Variants in PTGER3 observed in about 807,000 individuals in gnomAD.
PTGER3 encodes prostaglandin E2 receptor EP3 subtype.
A neutral mutation model predicts 34.7 loss-of-function variants in PTGER3; 22 were observed. The observed-to-expected ratio is 0.63, with a 90% confidence interval of 0.45 to 0.91. The LOEUF (loss-of-function observed/expected upper bound fraction) is 0.91. Ranked by LOEUF, PTGER3 falls within the 40% of genes least tolerant of loss-of-function variation. The probability of loss-of-function intolerance (pLI) is 0.00; values close to 1 mark genes in which losing one functional copy is unlikely to be tolerated. For missense variants in PTGER3, 468 were observed against 519.4 expected, an observed-to-expected ratio of 0.90 and a Z score of 0.96; for synonymous variants, 241 against 230.1, an observed-to-expected ratio of 1.05 and a Z score of -0.43.
intron 4 of PTGER3, among the ~76,000 whole-genome samples, chr1:70,857,486 T>C (rs1645832899): frequency 6.6e-6 from 1 of 152,100 alleles, no homozygotes; most frequent in Non-Finnish European, 1.5e-5. Flanking sequence ...TTTCTTTTTA[T>C]TTTGATGTGG....
chr1:71,033,005 T>C (rs1164115993), intron 1 of PTGER3, among the ~76,000 whole-genome samples: 2 of 152,182 alleles, frequency 1.3e-5, no homozygotes, highest in African/African-American at 2.4e-5. Context: ...TTTTGGTAAC[T>C]TCTGTGTCTC....
chr1:70,930,555 A>G (rs1020510457), intron 4 of PTGER3, among the ~76,000 whole-genome samples: 8 of 152,162 alleles, frequency 5.3e-5, no homozygotes, highest in Non-Finnish European at 1.0e-4. Context: ...GAAGAAAAAG[A>G]GGTTTAATTG....
intron 4 of PTGER3, among the ~76,000 whole-genome samples, chr1:70,910,895 A>G (rs1182698833): frequency 1.3e-5 from 2 of 152,064 alleles, no homozygotes; most frequent in Non-Finnish European, 2.9e-5. Flanking sequence ...AGCCTGACCA[A>G]CATGGTGAAA....
At chr1:70,881,762 C>T (rs1646395703) in intron 4 of PTGER3, among the ~76,000 whole-genome samples, 1 of 152,120 alleles carries the variant, frequency 6.6e-6, no homozygotes, top group Admixed American at 6.5e-5. Flanking sequence ...CACAGGACTT[C>T]CTTAGGCAGA....
intron 4 of PTGER3, among the ~76,000 whole-genome samples, chr1:70,897,012 C>CA (rs1491171366): frequency 6.6e-6 from 1 of 152,102 alleles, no homozygotes; most frequent in East Asian, 1.9e-4. Context: ...GATGTGCCTC[C>CA]ACCCATGGAT....
At chr1:71,024,247 C>T (rs1658681449) in intron 1 of PTGER3, among the ~76,000 whole-genome samples, 1 of 152,166 alleles carries the variant, frequency 6.6e-6, no homozygotes, top group Non-Finnish European at 1.5e-5. Context: ...AGTCTTAAAA[C>T]TCTCATCCTC....
At chr1:70,882,774 G>T (rs1646418071) in intron 4 of PTGER3, among the ~76,000 whole-genome samples, 1 of 152,178 alleles carries the variant, frequency 6.6e-6, no homozygotes, top group African/African-American at 2.4e-5. Context: ...CCTTTACCAT[G>T]TGGGAGAGGT....
At chr1:70,864,991 A>C (rs1222997230) in intron 4 of PTGER3, among the ~76,000 whole-genome samples, 1 of 152,212 alleles carries the variant, frequency 6.6e-6, no homozygotes, top group African/African-American at 2.4e-5. Context: ...GTGGCCATCT[A>C]TCCAGAAGGC....
chr1:70,885,620 T>C (rs74086993), intron 4 of PTGER3, among the ~76,000 whole-genome samples: 18,205 of 152,122 alleles, frequency 0.12, 2,330 homozygotes, highest in African/African-American at 0.3. Context: ...CATTCATTCA[T>C]TCAGCAAGGA....
At chr1:70,953,830 A>G (rs1480184369) in intron 2 of PTGER3, 1 of 991,136 alleles carries the variant, frequency 1.0e-6, no homozygotes, top group African/African-American at 1.7e-5. Context: ...CTATAATTTA[A>G]TATGCAAAGT....
At chr1:70,960,962 G>A (rs770804970) in intron 2 of PTGER3, among the ~76,000 whole-genome samples, 19 of 152,170 alleles carry the variant, frequency 1.2e-4, no homozygotes, top group Non-Finnish European at 4.4e-5. Context: ...TTCTAAAACA[G>A]ATTGCTGTCT....
intron 1 of PTGER3, among the ~76,000 whole-genome samples, chr1:71,037,719 G>C (rs977814529): frequency 1.3e-5 from 2 of 149,500 alleles, no homozygotes; most frequent in African/African-American, 2.4e-5. Context: ...GGTTAGAAAA[G>C]GAAAGTCCGG....
chr1:70,953,326 A>G (rs1481157525), intron 3 of PTGER3, among the ~76,000 whole-genome samples: 2 of 152,118 alleles, frequency 1.3e-5, no homozygotes, highest in African/African-American at 4.8e-5. Context: ...ACTAATCCCC[A>G]GTGGATACCG....
At chr1:70,931,097 C>G (rs965333942) in intron 4 of PTGER3, among the ~76,000 whole-genome samples, 26 of 152,068 alleles carry the variant, frequency 1.7e-4, no homozygotes, top group Non-Finnish European at 2.9e-5. Flanking sequence ...GAGAAATTAG[C>G]AAAAACAAAG....
intron 2 of PTGER3, among the ~76,000 whole-genome samples, chr1:70,998,790 T>A (rs1656208219): frequency 6.6e-6 from 1 of 152,198 alleles, no homozygotes; most frequent in African/African-American, 2.4e-5. Context: ...CAGAAATAAA[T>A]TACTGTTTTG....
intron 2 of PTGER3, chr1:71,008,044 T>C (rs1657118555): frequency 1.0e-6 from 1 of 984,692 alleles, no homozygotes; most frequent in South Asian, 4.7e-5. Context: ...ACTGGCACTT[T>C]AAAAATATGA....
chr1:70,953,815 G>A (rs1280230474), intron 2 of PTGER3: 2 of 1,199,842 alleles, frequency 1.7e-6, no homozygotes, highest in East Asian at 5.4e-5. Flanking sequence ...AACAGTATAA[G>A]CTTGCTATAA....
intron 4 of PTGER3, among the ~76,000 whole-genome samples, chr1:70,916,709 T>C (rs545023314): frequency 7.9e-5 from 12 of 152,062 alleles, no homozygotes; most frequent in African/African-American, 2.4e-4. Context: ...GAACAATAGA[T>C]ACTGCAGACA....
intron 4 of PTGER3, among the ~76,000 whole-genome samples, chr1:70,927,251 G>C (rs2100475411): frequency 6.6e-6 from 1 of 152,148 alleles, no homozygotes; most frequent in East Asian, 1.9e-4. Flanking sequence ...GTTTTAGAAG[G>C]AATGGTACCA....
Sources: gnomAD v4.1 joint callset for allele counts (sites outside exome capture counted in the v4.1 genomes callset) on GRCh38, gnomAD v4.1.1 for gene constraint, MANE v1.5 for transcripts, NCBI Gene and HGNC (gene_info 2026-07-23, HGNC 2026-07-21) for gene names.